SLC25A33: variants seen among roughly 807,000 people sequenced by gnomAD.
SLC25A33 encodes the protein bone marrow stromal cell mitochondrial carrier protein.
A neutral mutation model predicts 35.5 loss-of-function variants in SLC25A33; 15 were observed. That is an observed-to-expected ratio of 0.42 (90% CI 0.28 to 0.65). The LOEUF (loss-of-function observed/expected upper bound fraction) is 0.65. Among genes scored for constraint, SLC25A33 ranks in the 30% least tolerant of loss-of-function variants. SLC25A33 has a pLI of 0.20. For missense variants in SLC25A33, 257 were observed against 398.5 expected, an observed-to-expected ratio of 0.64 and a Z score of 3.02; for synonymous variants, 136 against 148.7, an observed-to-expected ratio of 0.91 and a Z score of 0.62.
intron 2 of SLC25A33, among the ~76,000 whole-genome samples, 176 bp downstream of exon 2, chr1:9,553,981 G>T (rs1191573769): frequency 1.3e-5 from 2 of 152,084 alleles, no homozygotes; most frequent in African/African-American, 4.8e-5. Flanking sequence ...CCCTGGCAGC[G>T]GGGGGTCCCA....
At chr1:9,576,574 C>T in intron 5 of SLC25A33, 1 of 561,170 alleles carries the variant, frequency 1.8e-6, no homozygotes, top group Non-Finnish European at 3.5e-6. Flanking sequence ...TCTAAAGAGG[C>T]TCTGGAGTGC....
At chr1:9,548,909 A>G (rs546927938) in intron 1 of SLC25A33, among the ~76,000 whole-genome samples, 11 of 152,234 alleles carry the variant, frequency 7.2e-5, no homozygotes, top group Admixed American at 5.9e-4. Context: ...CATTGACCAG[A>G]CTGTCTATGA....
chr1:9,556,519 G>A (rs186107516), intron 2 of SLC25A33, among the ~76,000 whole-genome samples: 2 of 152,264 alleles, frequency 1.3e-5, no homozygotes, highest in African/African-American at 2.4e-5. Flanking sequence ...TACCAGTTCA[G>A]CATCCCCAGT....
intron 1 of SLC25A33, among the ~76,000 whole-genome samples, chr1:9,540,601 G>T (rs1308241271): frequency 6.6e-6 from 1 of 152,020 alleles, no homozygotes; most frequent in Non-Finnish European, 1.5e-5. Flanking sequence ...TATCACAGCC[G>T]GTGGCTTGGG....
At chr1:9,571,922 T>A (rs957770198) in intron 4 of SLC25A33, among the ~76,000 whole-genome samples, 3 of 152,200 alleles carry the variant, frequency 2.0e-5, no homozygotes, top group African/African-American at 7.2e-5. Flanking sequence ...ATCGCAGGCA[T>A]AAGCCACCAC....
intron 3 of SLC25A33, among the ~76,000 whole-genome samples, chr1:9,567,808 T>G (rs1643533128): frequency 6.6e-6 from 1 of 152,246 alleles, no homozygotes; most frequent in African/African-American, 2.4e-5. Flanking sequence ...AACTTCACTT[T>G]CTGTAAAATG....
chr1:9,582,728 G>T lies in SLC25A33; in HGVS notation c.*227G>T. 1.9e-6 allele frequency: 1 copy of T among 514,570 alleles called. No homozygotes were observed. 31.9% of individuals were successfully genotyped at this position (514,570 alleles called of 1,614,324 possible). ...TTTTTTTTAACTTAAGAGGATTCAG[G>T]GTTAAGCACCAACTAAATTAAATCA... On this transcript the variant is annotated 3_prime_UTR_variant, in exon 7 of 7. Transcript: ENST00000302692. This position sits in a 1 kb window ranked among gnomAD's most constrained non-coding sequence, Gnocchi z 4.0.
intron 5 of SLC25A33, among the ~76,000 whole-genome samples, chr1:9,576,177 T>C (rs1373453936): frequency 2.6e-5 from 4 of 152,210 alleles, no homozygotes. Flanking sequence ...GCAGTGAATA[T>C]TTGTTGCTTG....
intron 2 of SLC25A33, among the ~76,000 whole-genome samples, chr1:9,554,015 G>A (rs1336258182): frequency 1.3e-5 from 2 of 152,080 alleles, no homozygotes; most frequent in Admixed American, 6.6e-5. Flanking sequence ...CATCATCCAG[G>A]GCAGTTAAAG....
At chr1:9,563,424 C>T (rs1263915657) in intron 2 of SLC25A33, among the ~76,000 whole-genome samples, 1 of 152,068 alleles carries the variant, frequency 6.6e-6, no homozygotes, top group Non-Finnish European at 1.5e-5. Context: ...TTCAGAGAAT[C>T]TAGAGCATGA....
intron 1 of SLC25A33, among the ~76,000 whole-genome samples, chr1:9,546,944 T>C (rs1314533960): frequency 6.6e-6 from 1 of 152,156 alleles, no homozygotes; most frequent in Non-Finnish European, 1.5e-5. Flanking sequence ...CTCCCACCAT[T>C]AAGCAAGTCT....
intron 1 of SLC25A33, among the ~76,000 whole-genome samples, chr1:9,545,731 A>G (rs997903976): frequency 1.0e-4 from 15 of 150,462 alleles, no homozygotes; most frequent in Non-Finnish European, 2.2e-4. Context: ...AGGCCGAGGC[A>G]GGTGGATCAC....
chr1:9,541,809 G>T (rs1190771095), intron 1 of SLC25A33, among the ~76,000 whole-genome samples: 7 of 146,888 alleles, frequency 4.8e-5, no homozygotes, highest in African/African-American at 1.8e-4. Flanking sequence ...TTTGCTTTTT[G>T]TTTTTTTTCA....
intron 2 of SLC25A33, among the ~76,000 whole-genome samples, chr1:9,562,420 G>A (rs536483973): frequency 6.6e-6 from 1 of 152,196 alleles, no homozygotes; most frequent in South Asian, 2.1e-4. Flanking sequence ...GGAGGCTGAG[G>A]CAGCAGAATT....
intron 2 of SLC25A33, among the ~76,000 whole-genome samples, chr1:9,560,097 CAAA>C (rs1338581082): frequency 6.6e-6 from 1 of 151,976 alleles, no homozygotes; most frequent in Non-Finnish European, 1.5e-5. Context: ...ACTAAAAATA[CAAA>C]AACCAGCCGG....
At chr1:9,553,836 T>C in intron 2 of SLC25A33, 31 bp downstream of exon 2, 1 of 1,586,602 alleles carries the variant, frequency 6.3e-7, no homozygotes, top group Non-Finnish European at 8.6e-7. Flanking sequence ...TCCTGCCACC[T>C]GCACACCCTG....
rs1326120138 is a variant in SLC25A33 at position 9,559,531 on chromosome 1, A to G, written c.236+5726A>G. On this transcript the variant is annotated intron_variant, in intron 2 of 6. Coordinates refer to ENST00000302692, the MANE Select transcript of SLC25A33 (RefSeq NM_032315.3). ...TAACCTTAAAGTCTTTTATCTCTTA[A>G]TAGAGGCAAAAAAAAAAGGTGGGGG... Among the ~76,000 whole-genome samples, 4 of 151,786 alleles carry G rather than the reference A, an allele frequency of 2.6e-5. No individual in the cohort carries two copies. In the East Asian group the frequency reaches 7.7e-4, roughly 29 times the overall value.
At chr1:9,553,866 G>T in intron 2 of SLC25A33, 61 bp downstream of exon 2, 1 of 1,512,180 alleles carries the variant, frequency 6.6e-7, no homozygotes. Flanking sequence ...TGTCAACAGA[G>T]AATGTTCATC....
chr1:9,550,012 T>TATATATATATATA (rs55887722), intron 1 of SLC25A33, among the ~76,000 whole-genome samples: 17 of 33,842 alleles, frequency 5.0e-4, no homozygotes, highest in African/African-American at 1.5e-3. Context: ...TATATATATA[T>TATATATATATATA]TTTTTTTTTT....
Sources: gnomAD v4.1 joint callset for allele counts (sites outside exome capture counted in the v4.1 genomes callset) on GRCh38, gnomAD v4.1.1 for gene constraint, Gnocchi (gnomAD v3.1) non-coding constraint, MANE v1.5 for transcripts, NCBI Gene and HGNC (gene_info 2026-07-23, HGNC 2026-07-21) for gene names.